Variants in ARMH3 observed in about 807,000 individuals in gnomAD.
The protein encoded by ARMH3 is armadillo-like helical domain-containing protein 3.
Under a neutral mutation model 99.1 loss-of-function variants are expected in ARMH3, and 60 were observed. The observed-to-expected ratio is 0.61, with a 90% CI of 0.49 to 0.75. The LOEUF (loss-of-function observed/expected upper bound fraction) is 0.75. Ranked by LOEUF, ARMH3 falls within the 30% of genes least tolerant of loss-of-function variation. The probability of loss-of-function intolerance (pLI) is 0.00; values close to 1 mark genes in which losing one functional copy is unlikely to be tolerated. For synonymous variants in ARMH3, 285 were observed against 292.8 expected (o/e 0.97, Z 0.27); for missense variants, 679 against 843.1 (o/e 0.81, Z 2.41).
intron 24 of ARMH3, among the ~76,000 whole-genome samples, chr10:101,872,250 C>CGT (rs35739666): frequency 0.1 from 14,616 of 146,372 alleles, 759 homozygotes; most frequent in Non-Finnish European, 0.12. Context: ...TGTGTAACAA[C>CGT]GTGTGTGTGT....
chr10:101,996,598 A>G (rs1847068515), intron 15 of ARMH3, among the ~76,000 whole-genome samples: 1 of 152,144 alleles, frequency 6.6e-6, no homozygotes, highest in Admixed American at 6.6e-5. Flanking sequence ...CTATGGCACT[A>G]TCCTCCCACA....
chr10:101,873,125 C>T (rs1446774821), intron 24 of ARMH3, among the ~76,000 whole-genome samples: 2 of 149,850 alleles, frequency 1.3e-5, no homozygotes, highest in Admixed American at 6.7e-5. Context: ...CGTGGCAGGC[C>T]GGGCACAGTG....
chr10:101,989,665 G>T lies in ARMH3; in HGVS notation c.1406+886C>A, dbSNP rs1161862625. 2.0e-5 allele frequency among the ~76,000 whole-genome samples: 3 copies of T among 152,184 alleles called. No homozygotes were observed. In the East Asian group the frequency reaches 5.8e-4, roughly 29 times the overall value. On this transcript the variant is annotated intron_variant, in intron 19 of 25. Transcript: ENST00000370033. ...GAACCTGGGAAGCAGAGGTTGCAGT[G>T]AGCCGAGATCATGCCACTGCACTCC...
At chr10:102,028,972 A>G (rs2067062455) in intron 5 of ARMH3, among the ~76,000 whole-genome samples, 1 of 152,196 alleles carries the variant, frequency 6.6e-6, no homozygotes, top group South Asian at 2.1e-4. Context: ...CCCAGGTTCA[A>G]GCAGTCCTAC....
At chr10:102,002,759 G>A (rs929196211) in intron 14 of ARMH3, among the ~76,000 whole-genome samples, 3 of 151,908 alleles carry the variant, frequency 2.0e-5, no homozygotes, top group South Asian at 4.2e-4. Flanking sequence ...TCAGGAGTTC[G>A]AGGTCAGCCT....
chr10:101,919,149 G>A (rs951624739), intron 23 of ARMH3, among the ~76,000 whole-genome samples: 4 of 152,176 alleles, frequency 2.6e-5, no homozygotes, highest in Non-Finnish European at 5.9e-5. Flanking sequence ...AAAAGGGGGA[G>A]GGGGCATATC....
rs201412666 is a variant in ARMH3, at chr10:102,037,183, CTTTTT to C, written c.102+2825_102+2829del. Among the ~76,000 whole-genome samples the C allele has an allele frequency of 5.8e-5, 8 of 137,378 alleles. No homozygotes were observed. The East Asian group carries it at 6.3e-4, about 11-fold the overall frequency. The allele number at this position is 137,378 out of a possible 152,430, so 90.1% of individuals were successfully genotyped here. On this transcript the variant is annotated intron_variant, in intron 2 of 25. Coordinates refer to ENST00000370033, the MANE Select transcript of ARMH3 (RefSeq NM_024541.3). ...AATAATCTCTTCTGGATTTTGTTTT[CTTTTT>C]TTTTTTTTTTTGAGATGGATTCTTG...
chr10:101,985,072 T>TACAC (rs1374733874), intron 19 of ARMH3, among the ~76,000 whole-genome samples: 7 of 134,862 alleles, frequency 5.2e-5, no homozygotes, highest in Middle Eastern at 3.7e-3. Flanking sequence ...CATCTAAAAA[T>TACAC]ATATATACAC....
chr10:101,874,757 A>G (rs934968221), intron 24 of ARMH3, among the ~76,000 whole-genome samples: 2 of 152,070 alleles, frequency 1.3e-5, no homozygotes, highest in African/African-American at 2.4e-5. Context: ...GCTTGTGGCA[A>G]CTCACTCTGA....
At chr10:101,898,915 C>G (rs1346757314) in intron 23 of ARMH3, among the ~76,000 whole-genome samples, 1 of 152,210 alleles carries the variant, frequency 6.6e-6, no homozygotes, top group Non-Finnish European at 1.5e-5. Flanking sequence ...CTTTTGTTTA[C>G]CTGGATCTCT....
intron 22 of ARMH3, among the ~76,000 whole-genome samples, chr10:101,947,102 G>T (rs971080437): frequency 1.3e-5 from 2 of 151,884 alleles, no homozygotes; most frequent in Non-Finnish European, 2.9e-5. Context: ...GCAGAGAATA[G>T]CTTGAACCCG....
intron 20 of ARMH3, among the ~76,000 whole-genome samples, chr10:101,972,551 G>A (rs1464606661): frequency 3.3e-5 from 5 of 152,210 alleles, no homozygotes; most frequent in Non-Finnish European, 7.3e-5. Flanking sequence ...TCCAACATAC[G>A]AGGGGTAGTG....
intron 23 of ARMH3, among the ~76,000 whole-genome samples, chr10:101,924,219 G>A (rs1843413868): frequency 6.6e-6 from 1 of 152,140 alleles, no homozygotes. Context: ...AAAATAAAGT[G>A]TTGCATATAG....
At chr10:102,019,771 CA>C (rs2066836539) in intron 8 of ARMH3, among the ~76,000 whole-genome samples, 2 of 151,322 alleles carry the variant, frequency 1.3e-5, no homozygotes, top group South Asian at 4.2e-4. Context: ...ACTAAAAATA[CA>C]AAAAAATTAG....
intron 8 of ARMH3, among the ~76,000 whole-genome samples, chr10:102,015,847 T>G (rs1367812657): frequency 6.6e-6 from 1 of 152,238 alleles, no homozygotes; most frequent in African/African-American, 2.4e-5. Flanking sequence ...TCTAAAATGC[T>G]TTAGGGCTGG....
Position 101,847,555 on chromosome 10 carries a change from C to G in ARMH3, c.2043G>C (p.Leu681=). ...LAFHTLSQEV[L]LKEFSTIS Reference sequence around the variant, plus strand: ...AGGAGATAGTGGAGAACTCCTTGAGCAGGACTTCTTGGCTGAGTGTGTGGA... The same window carrying G: ...AGGAGATAGTGGAGAACTCCTTGAGGAGGACTTCTTGGCTGAGTGTGTGGA... Residue 681 remains leucine (L), a synonymous_variant, in exon 26 of 26, where the codon CTG becomes CTC. Coordinates refer to ENST00000370033, the MANE Select transcript of ARMH3 (RefSeq NM_024541.3). 1.2e-6 allele frequency: 2 copies of G among 1,614,146 alleles called. No individual in the cohort carries two copies. Among genetic ancestry groups the G allele is most frequent in the African/African-American group, 1.3e-5 (1 of 75,042 alleles).
At chr10:101,926,753 A>G (rs1286104406) in intron 23 of ARMH3, among the ~76,000 whole-genome samples, 2 of 152,116 alleles carry the variant, frequency 1.3e-5, no homozygotes, top group Non-Finnish European at 2.9e-5. Flanking sequence ...TCCTTTGGGG[A>G]AAAAAATTAA....
At chr10:102,047,885 G>A (rs188685393) in intron 1 of ARMH3, among the ~76,000 whole-genome samples, 178 of 152,248 alleles carry the variant, frequency 1.2e-3, no homozygotes, top group African/African-American at 3.9e-3. Context: ...AGACATTTTT[G>A]ATTGTCACAA....
chr10:101,905,113 A>T (rs1012767208), intron 23 of ARMH3, among the ~76,000 whole-genome samples: 2 of 152,168 alleles, frequency 1.3e-5, no homozygotes, highest in African/African-American at 4.8e-5. Flanking sequence ...GACTTTTATA[A>T]CGGGGCTCCA....
Sources: gnomAD v4.1 joint callset for allele counts (sites outside exome capture counted in the v4.1 genomes callset) on GRCh38, gnomAD v4.1.1 for gene constraint, MANE v1.5 for transcripts, NCBI Gene and HGNC (gene_info 2026-07-23, HGNC 2026-07-21) for gene names.